Variants in ADAMTS12 observed in about 807,000 individuals in gnomAD.
The protein encoded by ADAMTS12 is A disintegrin and metalloproteinase with thrombospondin motifs 12.
A neutral mutation model predicts 167.8 loss-of-function variants in ADAMTS12; 118 were observed. The observed-to-expected ratio is 0.70, with a 90% CI of 0.61 to 0.82. The LOEUF is 0.82. Among genes scored for constraint, ADAMTS12 ranks in the 40% least tolerant of loss-of-function variants. ADAMTS12 has a pLI of 0.00. For missense variants in ADAMTS12, 1,916 were observed against 1,998.8 expected (o/e 0.96, Z 0.79); for synonymous variants, 704 against 716.9 (o/e 0.98, Z 0.29).
intron 2 of ADAMTS12, among the ~76,000 whole-genome samples, chr5:33,850,202 C>T (rs888811640): frequency 1.3e-5 from 2 of 152,098 alleles, no homozygotes; most frequent in South Asian, 2.1e-4. Flanking sequence ...ACCTGCACAT[C>T]GGTTAAGCAG....
At chr5:33,642,337 G>T (rs1488494242) in intron 10 of ADAMTS12, among the ~76,000 whole-genome samples, 1 of 152,184 alleles carries the variant, frequency 6.6e-6, no homozygotes, top group East Asian at 1.9e-4. Flanking sequence ...GCTTTCTGGT[G>T]CATGATCCTT....
intron 23 of ADAMTS12, among the ~76,000 whole-genome samples, chr5:33,532,683 G>A (rs1744178064): frequency 6.6e-6 from 1 of 151,914 alleles, no homozygotes; most frequent in African/African-American, 2.4e-5. Flanking sequence ...GGGTTTTGTA[G>A]GCACTAATGT....
At chr5:33,693,666 C>T (rs1579844121) in intron 3 of ADAMTS12, among the ~76,000 whole-genome samples, 1 of 145,796 alleles carries the variant, frequency 6.9e-6, no homozygotes, top group Non-Finnish European at 1.5e-5. Flanking sequence ...AGGAACATAC[C>T]TCACAATATA....
chr5:33,545,246 A>C (rs1273646499), intron 22 of ADAMTS12, among the ~76,000 whole-genome samples: 1 of 152,250 alleles, frequency 6.6e-6, no homozygotes, highest in African/African-American at 2.4e-5. Flanking sequence ...TGCAGCCAAC[A>C]GACACATGAA....
At chr5:33,659,846 C>A (rs527489568) in intron 6 of ADAMTS12, among the ~76,000 whole-genome samples, 84 of 152,322 alleles carry the variant, frequency 5.5e-4, no homozygotes, top group African/African-American at 2.0e-3. Context: ...AGCTCAGTCT[C>A]ATACCTCCCT....
rs116561097 is a variant in ADAMTS12, at chr5:33,654,504, A to T, written c.1190+3680T>A. ...CCTCTATAGGTACCTGAGTTGTCAAAGGGATGGCTCCTTGTTACTGTCTAG... is the reference window on the plus strand; with the variant it reads ...CCTCTATAGGTACCTGAGTTGTCAATGGGATGGCTCCTTGTTACTGTCTAG... On this transcript the variant is annotated intron_variant, in intron 7 of 23. Transcript: ENST00000504830. Among the ~76,000 whole-genome samples the T allele has an allele frequency of 5.4e-3, 825 of 152,308 alleles. 2 individuals carry two copies. Among genetic ancestry groups the T allele is most frequent in the African/African-American group, 0.019 (795 of 41,558 alleles).
chr5:33,847,617 C>T (rs1351235191), intron 2 of ADAMTS12, among the ~76,000 whole-genome samples: 2 of 149,702 alleles, frequency 1.3e-5, no homozygotes, highest in Non-Finnish European at 3.0e-5. Flanking sequence ...GAGCAAAACT[C>T]CATCTCAAAA....
intron 23 of ADAMTS12, among the ~76,000 whole-genome samples, chr5:33,529,177 G>A (rs1743974158): frequency 6.6e-6 from 1 of 152,194 alleles, no homozygotes; most frequent in Non-Finnish European, 1.5e-5. Flanking sequence ...ATAATTCCCA[G>A]AGTAAGTATA....
intron 2 of ADAMTS12, among the ~76,000 whole-genome samples, chr5:33,767,104 C>T (rs1383240211): frequency 4.6e-5 from 7 of 151,916 alleles, no homozygotes; most frequent in Admixed American, 2.0e-4. Flanking sequence ...TGTCATGCAG[C>T]AAATAAAAAA....
chr5:33,549,944 A>C (rs1444049314), intron 20 of ADAMTS12, among the ~76,000 whole-genome samples: 1 of 152,192 alleles, frequency 6.6e-6, no homozygotes, highest in East Asian at 1.9e-4. Flanking sequence ...AAACTGAATT[A>C]ACTACTCAGT....
chr5:33,831,062 C>T lies in ADAMTS12; in HGVS notation c.489+50057G>A, dbSNP rs560718657. 5.9e-5 allele frequency among the ~76,000 whole-genome samples: 9 copies of T among 152,026 alleles called. No homozygotes were observed. The South Asian group carries it at 1.2e-3, about 21-fold the overall frequency. ...ACTCTTAATTTATGGAGAACACACA[C>T]AAAAACACACACACATAGCTCCATA... On this transcript the variant is annotated intron_variant, in intron 2 of 23. Coordinates refer to ENST00000504830, the MANE Select transcript of ADAMTS12 (RefSeq NM_030955.4).
chr5:33,782,618 T>A (rs113075435), intron 2 of ADAMTS12, among the ~76,000 whole-genome samples: 1 of 152,054 alleles, frequency 6.6e-6, no homozygotes, highest in African/African-American at 2.4e-5. Flanking sequence ...ATGGAGACCA[T>A]AATCATAAAA....
Position 33,727,832 on chromosome 5 carries a change from C to T in ADAMTS12, c.634+23572G>A, listed in dbSNP as rs577429375. Among the ~76,000 whole-genome samples, 13 of 152,262 alleles carry T rather than the reference C, an allele frequency of 8.5e-5. No individual in the cohort carries two copies. In the South Asian group the frequency reaches 2.3e-3, roughly 27 times the overall value. On this transcript the variant is annotated intron_variant, in intron 3 of 23. Transcript: ENST00000504830. ...CACTAATTCCGTTCCTGGTATTTATCGGTTTGCCTGTGTTTATGTTTACTT... is the reference window on the plus strand; with the variant it reads ...CACTAATTCCGTTCCTGGTATTTATTGGTTTGCCTGTGTTTATGTTTACTT...
chr5:33,624,419 T>G, intron 13 of ADAMTS12, 68 bp from the exon 14 acceptor site: 2 of 1,600,656 alleles, frequency 1.2e-6, no homozygotes, highest in Non-Finnish European at 1.7e-6. Context: ...GATCTGTGAC[T>G]TCTTCTTTCC....
At chr5:33,819,494 C>T (rs182553540) in intron 2 of ADAMTS12, among the ~76,000 whole-genome samples, 40 of 151,828 alleles carry the variant, frequency 2.6e-4, no homozygotes, top group Admixed American at 1.9e-3. Context: ...TTTTAAATTT[C>T]GACATGTGAT....
At chr5:33,627,235 GTGA>G (rs1195693188) in intron 13 of ADAMTS12, among the ~76,000 whole-genome samples, 3 of 140,480 alleles carry the variant, frequency 2.1e-5, no homozygotes, top group Admixed American at 6.9e-5. Context: ...AGATGGTGGA[GTGA>G]TGGTGGTGGT....
At chr5:33,574,582 C>G (rs915735048) in intron 19 of ADAMTS12, among the ~76,000 whole-genome samples, 5 of 128,150 alleles carry the variant, frequency 3.9e-5, no homozygotes, top group Admixed American at 2.1e-4. Flanking sequence ...GAACATCACA[C>G]TCTGGGGACT....
chr5:33,701,401 A>T (rs1214260796), intron 3 of ADAMTS12, among the ~76,000 whole-genome samples: 1 of 152,138 alleles, frequency 6.6e-6, no homozygotes, highest in African/African-American at 2.4e-5. Context: ...TGACCCAGTG[A>T]ATTCCATCTG....
At chr5:33,615,747 C>G in intron 15 of ADAMTS12, 81 bp downstream of exon 15, 1 of 1,561,016 alleles carries the variant, frequency 6.4e-7, no homozygotes, top group South Asian at 1.2e-5. Flanking sequence ...GACTTAATGT[C>G]CCCTAGCAAG....
Sources: allele counts gnomAD v4.1 joint callset (sites outside exome capture counted in the v4.1 genomes callset), GRCh38; gene constraint gnomAD v4.1.1; transcripts MANE v1.5; gene names NCBI Gene and HGNC (gene_info 2026-07-23, HGNC 2026-07-21).